The following PEX14 variants were observed in gnomAD, a reference collection of about 807,000 sequenced individuals.
PEX14 encodes the protein peroxisomal biogenesis factor 14.
In PEX14, 15 loss-of-function variants were observed where a neutral mutation model predicts 49.5. The observed-to-expected ratio is 0.30, with a 90% CI of 0.20 to 0.47. The LOEUF (loss-of-function observed/expected upper bound fraction) is 0.47, where lower values mean the gene tolerates loss of function less well. Ranked by LOEUF, PEX14 falls within the 20% of genes least tolerant of loss-of-function variation. The probability of loss-of-function intolerance (pLI) is 1.00; values close to 1 mark genes in which losing one functional copy is unlikely to be tolerated. For missense variants in PEX14, 398 were observed against 494.8 expected, an observed-to-expected ratio of 0.80 and a Z score of 1.86; for synonymous variants, 210 against 212.7, an observed-to-expected ratio of 0.99 and a Z score of 0.11.
intron 1 of PEX14, among the ~76,000 whole-genome samples, chr1:10,493,707 C>T (rs1446638158): frequency 6.6e-6 from 1 of 152,178 alleles, no homozygotes; most frequent in Non-Finnish European, 1.5e-5. Context: ...GCATTTACAC[C>T]ACTCTTCCAT....
At chr1:10,481,349 G>A (rs979942232) in intron 1 of PEX14, among the ~76,000 whole-genome samples, 2 of 151,782 alleles carry the variant, frequency 1.3e-5, no homozygotes, top group South Asian at 2.1e-4. Flanking sequence ...CATGTTGGCC[G>A]GGATGGTCTC....
At chr1:10,535,786 T>TGTGTGTGTGC (rs146468695) in intron 2 of PEX14, 1 of 324,936 alleles carries the variant, frequency 3.1e-6, no homozygotes, top group Non-Finnish European at 6.0e-6. Context: ...CGTGTGTGTG[T>TGTGTGTGTGC]GTGTGTGCGT....
intron 4 of PEX14, among the ~76,000 whole-genome samples, chr1:10,607,697 T>A (rs984545668): frequency 6.6e-6 from 1 of 152,236 alleles, no homozygotes; most frequent in Non-Finnish European, 1.5e-5. Context: ...TTGTGAAGAG[T>A]GTGTTTCAGT....
At chr1:10,523,744 C>G (rs1438081750) in intron 2 of PEX14, among the ~76,000 whole-genome samples, 1 of 150,452 alleles carries the variant, frequency 6.6e-6, no homozygotes, top group Non-Finnish European at 1.5e-5. Flanking sequence ...GCTGTGTTTG[C>G]ACTCAAGACT....
At chr1:10,502,700 T>C (rs574032522) in intron 2 of PEX14, among the ~76,000 whole-genome samples, 13 of 152,238 alleles carry the variant, frequency 8.5e-5, no homozygotes, top group Non-Finnish European at 1.8e-4. Context: ...AAATGGGCAG[T>C]GTCCTTATTT....
rs560855611 is a variant in PEX14, at chr1:10,593,569, A to ATG, written c.170-5666_170-5665dup. On this transcript the variant is annotated intron_variant, in intron 3 of 8. Transcript: ENST00000356607. ...AAACTCTTGCATTCAGGGTAGTGAC[A>ATG]TGTGGAACTAGTTTTCTCAGAAACT... 4.6e-5 allele frequency among the ~76,000 whole-genome samples: 7 copies of ATG among 152,242 alleles called. No individual in the cohort carries two copies. The South Asian group carries it at 1.5e-3, about 32-fold the overall frequency.
intron 2 of PEX14, among the ~76,000 whole-genome samples, chr1:10,499,757 A>G (rs943144688): frequency 6.6e-6 from 1 of 151,806 alleles, no homozygotes; most frequent in Non-Finnish European, 1.5e-5. Flanking sequence ...CCAAACTACA[A>G]TTTTTTCTGT....
chr1:10,478,197 G>A (rs555569166), intron 1 of PEX14, among the ~76,000 whole-genome samples: 85 of 152,068 alleles, frequency 5.6e-4, no homozygotes, highest in Non-Finnish European at 1.2e-3. Context: ...CCTTAAATGA[G>A]TTATTTATGT....
intron 1 of PEX14, among the ~76,000 whole-genome samples, chr1:10,482,893 T>C (rs913284614): frequency 4.6e-5 from 7 of 152,240 alleles, no homozygotes; most frequent in Admixed American, 1.3e-4. Flanking sequence ...TTGACATGTT[T>C]GGAGAGTCTG....
rs192916098 is a variant in PEX14 at position 10,560,961 on chromosome 1, C to T, written c.169+24664C>T. Among the ~76,000 whole-genome samples the T allele has an allele frequency of 1.3e-3, 198 of 152,226 alleles. 1 individual carries two copies. Among genetic ancestry groups the T allele is most frequent in the African/African-American group, 4.5e-3 (186 of 41,546 alleles). On this transcript the variant is annotated intron_variant, in intron 3 of 8. Coordinates refer to ENST00000356607, the MANE Select transcript of PEX14 (RefSeq NM_004565.3). ...TCGAACTCCTGACCTTGTGATTCGCCTGCCCTCGGCCTCCCAAAGTGCCGA... is the reference window on the plus strand; with the variant it reads ...TCGAACTCCTGACCTTGTGATTCGCTTGCCCTCGGCCTCCCAAAGTGCCGA...
At chr1:10,604,175 G>C (rs964508475) in intron 4 of PEX14, among the ~76,000 whole-genome samples, 5 of 152,172 alleles carry the variant, frequency 3.3e-5, no homozygotes, top group Admixed American at 1.3e-4. Flanking sequence ...AGGTGGTCCC[G>C]GTGAGGACGG....
chr1:10,480,080 C>T (rs1641257177), intron 1 of PEX14, among the ~76,000 whole-genome samples: 1 of 152,126 alleles, frequency 6.6e-6, no homozygotes, highest in Non-Finnish European at 1.5e-5. Context: ...ATGTGAAGAG[C>T]ACCTGCTGCA....
At chr1:10,579,221 C>A (rs145450482) in intron 3 of PEX14, among the ~76,000 whole-genome samples, 2 of 151,636 alleles carry the variant, frequency 1.3e-5, no homozygotes, top group Non-Finnish European at 2.9e-5. Context: ...GTGTAGCACA[C>A]GGGACAATGG....
chr1:10,490,518 A>G (rs1018288504), intron 1 of PEX14, among the ~76,000 whole-genome samples: 7 of 152,238 alleles, frequency 4.6e-5, no homozygotes, highest in Admixed American at 1.3e-4. Flanking sequence ...CTACCAAAAG[A>G]AAAGCATTTC....
In PEX14 at chr1:10,536,337, G is replaced by T. The variant is rs568057357; in HGVS notation, c.169+40G>T. The T allele has an allele frequency of 9.9e-6, 12 of 1,213,748 alleles. 2 individuals are homozygous for T. The African/African-American group carries it at 1.8e-4, about 18-fold the overall frequency. 75.2% of individuals were successfully genotyped at this position (1,213,748 alleles called of 1,614,324 possible). On this transcript the variant is annotated intron_variant, in intron 3 of 8. Coordinates refer to ENST00000356607, the MANE Select transcript of PEX14 (RefSeq NM_004565.3). Reference sequence around the variant, plus strand: ...GGGCTGTGCAGCACGGCCTACAGGGGGACTGGGGCTGGGGCAGATGGAAGC... The same window carrying T: ...GGGCTGTGCAGCACGGCCTACAGGGTGACTGGGGCTGGGGCAGATGGAAGC...
intron 3 of PEX14, among the ~76,000 whole-genome samples, chr1:10,548,986 G>A (rs1052676453): frequency 1.3e-5 from 2 of 152,170 alleles, no homozygotes; most frequent in African/African-American, 4.8e-5. Flanking sequence ...GCCCTTTAAA[G>A]TAATCTTTCT....
intron 4 of PEX14, chr1:10,617,033 A>G (rs930650241): frequency 6.6e-6 from 1 of 151,538 alleles, no homozygotes; most frequent in Non-Finnish European, 1.5e-5. Context: ...GCCGGTCAAA[A>G]CTCCCATTCT....
chr1:10,560,718 C>CTTTTTTTT (rs34964492), intron 3 of PEX14, among the ~76,000 whole-genome samples: 1 of 129,092 alleles, frequency 7.7e-6, no homozygotes, highest in African/African-American at 3.0e-5. Flanking sequence ...ATTTTGCCAC[C>CTTTTTTTT]TTTTTTTTTT....
chr1:10,601,613 T>C (rs1640987662), intron 4 of PEX14, among the ~76,000 whole-genome samples: 1 of 152,214 alleles, frequency 6.6e-6, no homozygotes, highest in Admixed American at 6.5e-5. Flanking sequence ...GTGCCTTGCA[T>C]GGGTGACCCA....
Sources: gnomAD v4.1 joint callset for allele counts (sites outside exome capture counted in the v4.1 genomes callset) on GRCh38, gnomAD v4.1.1 for gene constraint, MANE v1.5 for transcripts, NCBI Gene and HGNC (gene_info 2026-07-23, HGNC 2026-07-21) for gene names.